The following GLI3 variants were observed in gnomAD, a reference collection of about 807,000 sequenced individuals.
The protein encoded by GLI3 is transcription activator GLI3.
GLI3 carries 20 observed loss-of-function variants against 100.8 expected under a neutral mutation model. The observed-to-expected ratio is 0.20, with a 90% CI of 0.14 to 0.29. The LOEUF is 0.29. Ranked by LOEUF, GLI3 falls within the 10% of genes least tolerant of loss-of-function variation. The pLI, the probability that GLI3 is intolerant of heterozygous loss-of-function variation, is 1.00. For missense variants in GLI3, 2,040 were observed against 2,128.5 expected, an observed-to-expected ratio of 0.96 and a Z score of 0.82; for synonymous variants, 938 against 860.5, an observed-to-expected ratio of 1.09 and a Z score of -1.58.
rs1162750123 is a variant in GLI3 at position 41,961,477 on chromosome 7, A to T, written c.*2853T>A. On this transcript the variant is annotated 3_prime_UTR_variant, in exon 15 of 15. Coordinates refer to ENST00000395925, the MANE Select transcript of GLI3 (RefSeq NM_000168.6). ...TAAAATAAGGCACATACATCGCAAG[A>T]ATCAAAACTTTGTGGCTCAAGAGGA... is the stretch of plus-strand genomic sequence containing the variant. 6.6e-6 allele frequency: 1 copy of T among 152,646 alleles called. No individual in the cohort carries two copies. Among genetic ancestry groups the T allele is most frequent in the Non-Finnish European group, 1.5e-5 (1 of 68,046 alleles). 9.5% of individuals were successfully genotyped at this position (152,646 alleles called of 1,614,324 possible).
At chr7:42,018,975 G>T (rs1788852571) in intron 10 of GLI3, among the ~76,000 whole-genome samples, 1 of 152,136 alleles carries the variant, frequency 6.6e-6, no homozygotes, top group South Asian at 2.1e-4. Context: ...TTATGCTGCT[G>T]GGGATTGGGC....
At chr7:42,050,680 T>C (rs1490342122) in intron 4 of GLI3, among the ~76,000 whole-genome samples, 2 of 152,248 alleles carry the variant, frequency 1.3e-5, no homozygotes, top group East Asian at 3.8e-4. Context: ...AGCCATGAGA[T>C]GACGCCTCCT....
At chr7:42,229,114 T>C (rs1788642799) in intron 1 of GLI3, among the ~76,000 whole-genome samples, 1 of 152,196 alleles carries the variant, frequency 6.6e-6, no homozygotes, top group African/African-American at 2.4e-5. Flanking sequence ...AAAACAACTT[T>C]CTAATGTAGG....
At chr7:42,042,616 T>G (rs1024710114) in intron 6 of GLI3, among the ~76,000 whole-genome samples, 2 of 152,182 alleles carry the variant, frequency 1.3e-5, no homozygotes, top group Non-Finnish European at 2.9e-5. Context: ...TTTAGATCAC[T>G]AATTGTGATG....
At chr7:42,102,956 G>C (rs1175307614) in intron 3 of GLI3, among the ~76,000 whole-genome samples, 1 of 152,224 alleles carries the variant, frequency 6.6e-6, no homozygotes, top group Non-Finnish European at 1.5e-5. Flanking sequence ...TCTGCAGATA[G>C]ATGCTGAGTT....
chr7:42,175,238 C>G (rs375983324), intron 2 of GLI3, among the ~76,000 whole-genome samples: 1 of 152,162 alleles, frequency 6.6e-6, no homozygotes, highest in Non-Finnish European at 1.5e-5. Flanking sequence ...GGCCAGTCCC[C>G]CCGAAATGCT....
At chr7:42,093,458 T>C (rs1785271780) in intron 3 of GLI3, among the ~76,000 whole-genome samples, 1 of 151,302 alleles carries the variant, frequency 6.6e-6, no homozygotes, top group Admixed American at 6.6e-5. Context: ...CCCCCATATA[T>C]ACGGTTACCA....
chr7:42,210,616 G>A (rs992500667), intron 2 of GLI3, among the ~76,000 whole-genome samples: 5 of 151,702 alleles, frequency 3.3e-5, no homozygotes, highest in South Asian at 2.1e-4. Flanking sequence ...CCCCTAACTC[G>A]CAACTCTGAA....
rs1050369811 is a variant in GLI3 at position 42,194,340 on chromosome 7, C to T, written c.124+28790G>A. Reference sequence around the variant, plus strand: ...AATGTGTATAGTCTAGGAAGAGTCACCATATTCTCAGTTAGCCAAGCTCCC... The same window carrying T: ...AATGTGTATAGTCTAGGAAGAGTCATCATATTCTCAGTTAGCCAAGCTCCC... On this transcript the variant is annotated intron_variant, in intron 2 of 14. Coordinates refer to ENST00000395925, the MANE Select transcript of GLI3 (RefSeq NM_000168.6). Among the ~76,000 whole-genome samples the T allele has an allele frequency of 2.0e-5, 3 of 152,162 alleles. No homozygotes were observed. The East Asian group carries it at 5.8e-4, about 29-fold the overall frequency.
At chr7:42,188,986 C>A (rs1787773813) in intron 2 of GLI3, among the ~76,000 whole-genome samples, 1 of 152,114 alleles carries the variant, frequency 6.6e-6, no homozygotes, top group Non-Finnish European at 1.5e-5. Context: ...CTAAAGTAAT[C>A]TATGGACTTT....
chr7:42,222,260 C>T (rs1183489984), intron 2 of GLI3, among the ~76,000 whole-genome samples: 2 of 152,158 alleles, frequency 1.3e-5, no homozygotes, highest in Admixed American at 6.5e-5. Flanking sequence ...TTGACTCATA[C>T]AAATCAGTGT....
chr7:42,185,153 A>C (rs1787693905), intron 2 of GLI3, among the ~76,000 whole-genome samples: 1 of 152,044 alleles, frequency 6.6e-6, no homozygotes, highest in African/African-American at 2.4e-5. Flanking sequence ...CCCCTCCTCT[A>C]CCTGGACTGA....
At chr7:41,981,174 G>A (rs1334536725) in intron 10 of GLI3, among the ~76,000 whole-genome samples, 2 of 152,204 alleles carry the variant, frequency 1.3e-5, no homozygotes, top group Non-Finnish European at 2.9e-5. Flanking sequence ...GAGGAACAGC[G>A]TGAGGGCCAC....
chr7:42,248,769 A>AT (rs202217280), intron 1 of GLI3, among the ~76,000 whole-genome samples: 1 of 151,828 alleles, frequency 6.6e-6, no homozygotes, highest in Non-Finnish European at 1.5e-5. Flanking sequence ...ATCCTCTTTT[A>AT]TTTTTTTATT....
intron 3 of GLI3, chr7:42,113,680 A>C (rs1785773827): frequency 1.4e-6 from 1 of 739,054 alleles, no homozygotes; most frequent in Non-Finnish European, 2.4e-6. Flanking sequence ...TTGAAATACT[A>C]TTTTTTATCA....
intron 10 of GLI3, among the ~76,000 whole-genome samples, chr7:42,000,032 A>G (rs1788242334): frequency 6.6e-6 from 1 of 152,238 alleles, no homozygotes; most frequent in Non-Finnish European, 1.5e-5. Flanking sequence ...TTCGTCCTGC[A>G]GGGCTGAATG....
chr7:42,195,075 G>A (rs780350950), intron 2 of GLI3, among the ~76,000 whole-genome samples: 2 of 152,010 alleles, frequency 1.3e-5, no homozygotes, highest in African/African-American at 4.8e-5. Flanking sequence ...CCTCTAATGC[G>A]TCAACTTATC....
rs199572981 is a variant in GLI3, at chr7:42,191,137, G to A, written c.124+31993C>T. Among the ~76,000 whole-genome samples the A allele has an allele frequency of 3.3e-5, 5 of 152,104 alleles. No individual in the cohort carries two copies. In the East Asian group the frequency reaches 7.7e-4, roughly 24 times the overall value. On this transcript the variant is annotated intron_variant, in intron 2 of 14. Coordinates refer to ENST00000395925, the MANE Select transcript of GLI3 (RefSeq NM_000168.6). Reference sequence around the variant, plus strand: ...AACAGAAATACACTATACAGCAACTGAAAGGAAAATAAAAATATTATTATT... The same window carrying A: ...AACAGAAATACACTATACAGCAACTAAAAGGAAAATAAAAATATTATTATT...
intron 5 of GLI3, among the ~76,000 whole-genome samples, chr7:42,045,858 C>G (rs2128741449): frequency 6.6e-6 from 1 of 152,216 alleles, no homozygotes; most frequent in African/African-American, 2.4e-5. Context: ...ATTTTTATAT[C>G]AAATCACTGT....
Sources: gnomAD v4.1 joint callset for allele counts (sites outside exome capture counted in the v4.1 genomes callset) on GRCh38, gnomAD v4.1.1 for gene constraint, MANE v1.5 for transcripts, NCBI Gene and HGNC (gene_info 2026-07-23, HGNC 2026-07-21) for gene names.